SORCS2: variants seen among roughly 807,000 people sequenced by gnomAD.
SORCS2 encodes the protein VPS10 domain-containing receptor SorCS2.
A neutral mutation model predicts 141.6 loss-of-function variants in SORCS2; 100 were observed. The observed-to-expected ratio is 0.71, with a 90% CI of 0.60 to 0.83. SORCS2 has a LOEUF of 0.83. Among genes scored for constraint, SORCS2 ranks in the 40% least tolerant of loss-of-function variants. SORCS2 has a pLI of 0.00. For missense variants in SORCS2, 1,646 were observed against 1,560.2 expected, an observed-to-expected ratio of 1.05 and a Z score of -0.93; for synonymous variants, 789 against 676.9, an observed-to-expected ratio of 1.17 and a Z score of -2.57.
intron 1 of SORCS2, among the ~76,000 whole-genome samples, chr4:7,224,658 C>A (rs1479222070): frequency 1.3e-5 from 2 of 152,186 alleles, no homozygotes; most frequent in Non-Finnish European, 2.9e-5. Flanking sequence ...CCCGTGACCT[C>A]CCCCCAGGCC....
chr4:7,702,489 G>A (rs1424078716), intron 12 of SORCS2, among the ~76,000 whole-genome samples: 1 of 152,340 alleles, frequency 6.6e-6, no homozygotes, highest in South Asian at 2.1e-4. Context: ...GCCTCCTCAT[G>A]TGTACAATGG....
At chr4:7,704,691 C>T (rs931415652) in intron 14 of SORCS2, among the ~76,000 whole-genome samples, 5 of 152,226 alleles carry the variant, frequency 3.3e-5, no homozygotes, top group African/African-American at 1.2e-4. Flanking sequence ...AAAAAAGGCA[C>T]CATGAGGGGC....
chr4:7,519,071 G>A (rs1325357777), intron 2 of SORCS2, among the ~76,000 whole-genome samples: 4 of 152,032 alleles, frequency 2.6e-5, no homozygotes, highest in African/African-American at 7.3e-5. Context: ...GTCACCCGCC[G>A]TGGCTCTTGG....
At chr4:7,727,214 T>A (rs1468238804) in intron 21 of SORCS2, among the ~76,000 whole-genome samples, 1 of 150,646 alleles carries the variant, frequency 6.6e-6, no homozygotes, top group Non-Finnish European at 1.5e-5. Flanking sequence ...GTTTGGGCAC[T>A]GGCTGTGCCT....
chr4:7,539,730 T>TCCTGCTGTGGCGGCCCCACCCCATC (rs1262649062), intron 3 of SORCS2, among the ~76,000 whole-genome samples: 9 of 127,864 alleles, frequency 7.0e-5, no homozygotes, highest in East Asian at 2.8e-4. Flanking sequence ...CCCCGCCCCT[T>TCCTGCTGTGGCGGCCCCACCCCATC]CCTGCTGTGG....
rs144130256 is a variant in SORCS2, at chr4:7,418,691, C to A, written c.548+22336C>A. Reference sequence around the variant, plus strand: ...GTGATATATCAGTTAGCTTTTGCTGCGTAACAAATGACCCCCCCCCCCACC... The same window carrying A: ...GTGATATATCAGTTAGCTTTTGCTGAGTAACAAATGACCCCCCCCCCCACC... On this transcript the variant is annotated intron_variant, in intron 2 of 26. Coordinates refer to ENST00000507866, the MANE Select transcript of SORCS2 (RefSeq NM_020777.3). Among the ~76,000 whole-genome samples the A allele has an allele frequency of 4.7e-3, 620 of 130,950 alleles. 6 individuals are homozygous for A. Among genetic ancestry groups the A allele is most frequent in the African/African-American group, 0.017 (592 of 34,000 alleles). 85.9% of individuals were successfully genotyped at this position (130,950 alleles called of 152,430 possible). A position where few individuals can be genotyped will look rare whatever the true frequency, so the allele number is the denominator to read the frequency against.
intron 2 of SORCS2, among the ~76,000 whole-genome samples, chr4:7,445,668 G>A (rs925556019): frequency 2.6e-5 from 4 of 152,162 alleles, no homozygotes; most frequent in East Asian, 1.9e-4. Context: ...GGGCCTAAAC[G>A]CTTCTCTAAG....
chr4:7,598,566 G>T (rs888095442), intron 3 of SORCS2, among the ~76,000 whole-genome samples: 13 of 152,144 alleles, frequency 8.5e-5, no homozygotes, highest in African/African-American at 3.1e-4. Flanking sequence ...TCCTACCTTG[G>T]GCAAGGCATG....
chr4:7,384,929 T>G (rs542277059), intron 1 of SORCS2, among the ~76,000 whole-genome samples: 1 of 152,216 alleles, frequency 6.6e-6, no homozygotes, highest in Non-Finnish European at 1.5e-5. Flanking sequence ...GCTCGCCGGC[T>G]CAGCTTCAGC....
intron 1 of SORCS2, among the ~76,000 whole-genome samples, chr4:7,367,183 G>A (rs1721950415): frequency 6.6e-6 from 1 of 152,194 alleles, no homozygotes; most frequent in Admixed American, 6.5e-5. Flanking sequence ...GGCAAGGGAG[G>A]TGGTAGTCTC....
chr4:7,501,246 A>G lies in SORCS2; in HGVS notation c.549-30284A>G, dbSNP rs529125399. Among the ~76,000 whole-genome samples, 30 of 152,322 alleles carry G rather than the reference A, an allele frequency of 2.0e-4. 1 individual carries two copies. The South Asian group carries it at 2.3e-3, about 12-fold the overall frequency. ...GCTCGGTCCCACGCCCTCGTGGGCC[A>G]GTAAAGCCCAATGCTCTTTACAAAG... On this transcript the variant is annotated intron_variant, in intron 2 of 26. Coordinates refer to ENST00000507866, the MANE Select transcript of SORCS2 (RefSeq NM_020777.3).
intron 3 of SORCS2, among the ~76,000 whole-genome samples, chr4:7,611,005 G>C (rs1352546892): frequency 6.6e-6 from 1 of 152,182 alleles, no homozygotes; most frequent in Non-Finnish European, 1.5e-5. Flanking sequence ...CAGACACACA[G>C]ACACTGAGAA....
chr4:7,297,131 T>G (rs1035447601), intron 1 of SORCS2, among the ~76,000 whole-genome samples: 4 of 152,160 alleles, frequency 2.6e-5, no homozygotes, highest in African/African-American at 9.7e-5. Flanking sequence ...GGGTTCCCTC[T>G]CTGGGCATCT....
At chr4:7,460,843 A>G (rs1196257126) in intron 2 of SORCS2, among the ~76,000 whole-genome samples, 1 of 152,132 alleles carries the variant, frequency 6.6e-6, no homozygotes, top group East Asian at 1.9e-4. Flanking sequence ...CCGTGAACTC[A>G]CAGTCGCCTC....
intron 2 of SORCS2, among the ~76,000 whole-genome samples, chr4:7,424,618 C>T (rs1033217291): frequency 6.6e-6 from 1 of 152,202 alleles, no homozygotes; most frequent in Non-Finnish European, 1.5e-5. Flanking sequence ...GGAGCGCCCC[C>T]CTCTGCTAAC....
At position 7,377,363 on chromosome 4, in the gene SORCS2, G is replaced by T. The variant is rs886782483; in HGVS notation, c.481-18925G>T. Among the ~76,000 whole-genome samples the T allele has an allele frequency of 5.3e-5, 8 of 152,164 alleles. No individual in the cohort carries two copies. In the South Asian group the frequency reaches 6.2e-4, roughly 12 times the overall value. On this transcript the variant is annotated intron_variant, in intron 1 of 26. Transcript: ENST00000507866. ...CCAGAACTGGGGCTGTGACGGGGGG[G>T]ACAGATCGGACCTTCTGCCAAGGGT... is the stretch of plus-strand genomic sequence containing the variant.
At position 7,704,267 on chromosome 4, in the gene SORCS2, C is replaced by A; in HGVS notation, c.1851C>A (p.Asp617Glu). The change falls in exon 14 of 27, where the codon GAC becomes GAA. Residue 617 changes from aspartate to glutamate, a missense_variant. Physicochemically the swap from Asp to Glu is conservative, Grantham distance 45. Transcript: ENST00000507866. ...FVDGLLSEPG[D>E]ETLVMTVFGH... is the part of the protein sequence containing the mutation. ...ACGGGCTGCTGAGTGAGCCAGGGGA[C>A]GAGACGCTGGTCATGACGTGAGTGC... is the stretch of plus-strand genomic sequence containing the variant. 1 of 1,611,628 alleles carries A rather than the reference C, an allele frequency of 6.2e-7. No homozygotes were observed.
intron 2 of SORCS2, among the ~76,000 whole-genome samples, chr4:7,422,785 C>T (rs1174154742): frequency 3.3e-5 from 5 of 152,298 alleles, no homozygotes; most frequent in Middle Eastern, 3.4e-3. Flanking sequence ...CCCTTGTCCC[C>T]GAGAGTCCGT....
At chr4:7,678,429 C>A (rs1450012477) in intron 9 of SORCS2, among the ~76,000 whole-genome samples, 2 of 148,620 alleles carry the variant, frequency 1.3e-5, no homozygotes, top group African/African-American at 2.5e-5. Flanking sequence ...ACAAGCACAA[C>A]TCTGGAGCCT....
Sources: allele counts gnomAD v4.1 joint callset (sites outside exome capture counted in the v4.1 genomes callset), GRCh38; gene constraint gnomAD v4.1.1; transcripts MANE v1.5; gene names NCBI Gene and HGNC (gene_info 2026-07-23, HGNC 2026-07-21).